The following GRIP1 variants were observed in gnomAD, a reference collection of about 807,000 sequenced individuals.
GRIP1 encodes the protein glutamate receptor-interacting protein 1.
Under a neutral mutation model 129.9 loss-of-function variants are expected in GRIP1, and 45 were observed. The ratio of observed to expected loss-of-function variants is 0.35; its 90% CI spans 0.27 to 0.44. The LOEUF (loss-of-function observed/expected upper bound fraction) is 0.44, where lower values mean the gene tolerates loss of function less well. Among genes scored for constraint, GRIP1 ranks in the 20% least tolerant of loss-of-function variants. The pLI, the probability that GRIP1 is intolerant of heterozygous loss-of-function variation, is 1.00. For missense variants in GRIP1, 1,196 were observed against 1,396.8 expected (o/e 0.86, Z 2.29); for synonymous variants, 530 against 520.8 (o/e 1.02, Z -0.24).
At chr12:66,874,463 C>T (rs2040348521) in intron 1 of GRIP1, among the ~76,000 whole-genome samples, 1 of 151,812 alleles carries the variant, frequency 6.6e-6, no homozygotes, top group African/African-American at 2.4e-5. Flanking sequence ...TCTTGCATTG[C>T]TATAAAGAAA....
intron 7 of GRIP1, among the ~76,000 whole-genome samples, chr12:66,479,081 C>T (rs1377307912): frequency 7.5e-6 from 1 of 133,600 alleles, no homozygotes; most frequent in Non-Finnish European, 1.6e-5. Flanking sequence ...GAAACTGTAG[C>T]CCTAAAATGT....
At chr12:67,034,889 G>A (rs989073364) in intron 1 of GRIP1, among the ~76,000 whole-genome samples, 1 of 152,166 alleles carries the variant, frequency 6.6e-6, no homozygotes, top group Non-Finnish European at 1.5e-5. Flanking sequence ...ACCTTTGCCG[G>A]TTTGGGTAAT....
At chr12:66,674,052 G>C (rs1310918267) in intron 1 of GRIP1, among the ~76,000 whole-genome samples, 1 of 152,136 alleles carries the variant, frequency 6.6e-6, no homozygotes, top group Non-Finnish European at 1.5e-5. Flanking sequence ...TAACGAGGTG[G>C]AGGATACAGT....
At chr12:66,361,726 C>T (rs555852319) in intron 23 of GRIP1, among the ~76,000 whole-genome samples, 1 of 152,332 alleles carries the variant, frequency 6.6e-6, no homozygotes, top group Non-Finnish European at 1.5e-5. Flanking sequence ...CACAGCACCC[C>T]TCCTGACTCA....
In GRIP1 at chr12:66,601,354, G is replaced by A. The variant is rs191611237; in HGVS notation, c.56-4427C>T. 5.9e-4 allele frequency among the ~76,000 whole-genome samples: 90 copies of A among 152,276 alleles called. 3 individuals carry two copies. Among genetic ancestry groups the A allele is most frequent in the Admixed American group, 2.4e-3 (37 of 15,290 alleles). On this transcript the variant is annotated intron_variant, in intron 1 of 24. Coordinates refer to ENST00000359742, the MANE Select transcript of GRIP1 (RefSeq NM_001366722.1). The stretch of plus-strand genomic sequence containing the variant: ...TGGGAGAATCACATTGTGAGGAAGG[G>A]AGTCAGGTCTCCTCATGCTCTCAAA...
intron 1 of GRIP1, among the ~76,000 whole-genome samples, chr12:66,704,925 C>T (rs909722432): frequency 6.6e-6 from 1 of 152,042 alleles, no homozygotes; most frequent in Non-Finnish European, 1.5e-5. Flanking sequence ...CTGAAGTCCT[C>T]TTCATGCATC....
At chr12:66,958,341 C>T (rs898609712) in intron 1 of GRIP1, among the ~76,000 whole-genome samples, 1 of 152,146 alleles carries the variant, frequency 6.6e-6, no homozygotes, top group African/African-American at 2.4e-5. Flanking sequence ...CTGCGTGGGC[C>T]AGGCTGGTCT....
chr12:66,879,212 T>C (rs2040432376), intron 1 of GRIP1, among the ~76,000 whole-genome samples: 1 of 151,936 alleles, frequency 6.6e-6, no homozygotes, highest in Non-Finnish European at 1.5e-5. Context: ...GCTGCACTCA[T>C]AGGTGTTTGC....
chr12:66,443,287 C>A (rs1237443362), intron 13 of GRIP1, among the ~76,000 whole-genome samples: 1 of 152,190 alleles, frequency 6.6e-6, no homozygotes, highest in Non-Finnish European at 1.5e-5. Context: ...CTTTGCCCCC[C>A]ACCTTTGATA....
chr12:66,446,018 G>A (rs1301932028), intron 11 of GRIP1, among the ~76,000 whole-genome samples: 1 of 151,976 alleles, frequency 6.6e-6, no homozygotes, highest in Admixed American at 6.5e-5. Flanking sequence ...GGCGTGGTGA[G>A]GCTGTGCTGG....
intron 1 of GRIP1, among the ~76,000 whole-genome samples, chr12:66,712,347 A>G (rs1221104772): frequency 6.6e-6 from 1 of 151,868 alleles, no homozygotes; most frequent in Non-Finnish European, 1.5e-5. Flanking sequence ...CCTTATTTTC[A>G]GCATGAAACA....
At chr12:66,742,064 G>C (rs975253201) in intron 1 of GRIP1, among the ~76,000 whole-genome samples, 23 of 152,154 alleles carry the variant, frequency 1.5e-4, no homozygotes, top group African/African-American at 5.5e-4. Flanking sequence ...GCTTTATACA[G>C]TAACTAGGTT....
intron 1 of GRIP1, among the ~76,000 whole-genome samples, chr12:66,726,547 A>T (rs1322748904): frequency 6.6e-6 from 1 of 152,182 alleles, no homozygotes; most frequent in Non-Finnish European, 1.5e-5. Context: ...CGCCCATTCC[A>T]GTATTTTCAG....
chr12:66,711,883 A>T (rs1350844960), intron 1 of GRIP1, among the ~76,000 whole-genome samples: 1 of 151,884 alleles, frequency 6.6e-6, no homozygotes, highest in Non-Finnish European at 1.5e-5. Context: ...TAAATGAGTA[A>T]ATCAAATCTA....
chr12:66,872,174 G>A (rs1378004531), intron 1 of GRIP1, among the ~76,000 whole-genome samples: 3 of 152,020 alleles, frequency 2.0e-5, no homozygotes, highest in Admixed American at 1.3e-4. Context: ...CAGTTAGTCA[G>A]TTGCTCCTGA....
intron 13 of GRIP1, among the ~76,000 whole-genome samples, chr12:66,436,387 CA>C (rs1245558206): frequency 6.6e-6 from 1 of 151,676 alleles, no homozygotes; most frequent in Admixed American, 6.6e-5. Context: ...CTTTCCAGAA[CA>C]AAGATATATA....
intron 1 of GRIP1, among the ~76,000 whole-genome samples, chr12:66,810,421 G>A (rs1592867448): frequency 6.6e-6 from 1 of 152,252 alleles, no homozygotes; most frequent in Non-Finnish European, 1.5e-5. Context: ...AGCCAGGTGT[G>A]GTGGTGCGTG....
chr12:66,527,530 G>A (rs887974092), intron 5 of GRIP1, among the ~76,000 whole-genome samples: 8 of 151,936 alleles, frequency 5.3e-5, no homozygotes, highest in Non-Finnish European at 1.0e-4. Context: ...GTTGTGGGGT[G>A]TGGGGATGGG....
intron 1 of GRIP1, among the ~76,000 whole-genome samples, chr12:66,603,087 C>T (rs762820369): frequency 6.6e-6 from 1 of 151,264 alleles, no homozygotes; most frequent in Non-Finnish European, 1.5e-5. Flanking sequence ...CTCAAAAACT[C>T]CTGGCCTCAA....
Sources: gnomAD v4.1 joint callset for allele counts (sites outside exome capture counted in the v4.1 genomes callset) on GRCh38, gnomAD v4.1.1 for gene constraint, MANE v1.5 for transcripts, NCBI Gene and HGNC (gene_info 2026-07-23, HGNC 2026-07-21) for gene names.